The following TIMP2 variants were observed in gnomAD, a reference collection of about 807,000 sequenced individuals.
TIMP2 encodes the protein metalloproteinase inhibitor 2.
Under a neutral mutation model 24.3 loss-of-function variants are expected in TIMP2, and 5 were observed. The observed-to-expected ratio is 0.21, with a 90% CI of 0.11 to 0.43. TIMP2 has a LOEUF of 0.43. Among genes scored for constraint, TIMP2 ranks in the 20% least tolerant of loss-of-function variants. The pLI is 1.00. For synonymous variants in TIMP2, 130 were observed against 123.2 expected, an observed-to-expected ratio of 1.06 and a Z score of -0.37; for missense variants, 221 against 297.5, an observed-to-expected ratio of 0.74 and a Z score of 1.89.
Position 78,922,044 on chromosome 17 carries a change from AGCCCT to A in TIMP2, c.130+2910_130+2914del, listed in dbSNP as rs200720825. Among the ~76,000 whole-genome samples, 487 of 152,326 alleles carry A rather than the reference AGCCCT, an allele frequency of 3.2e-3. 7 individuals carry two copies. In the East Asian group the frequency reaches 0.038, roughly 12 times the overall value. Reference sequence around the variant, plus strand: ...CCCCTTTCTGAGACCCCTGGGTCACAGCCCTGGTTAAATCACCTGTGGGCCTTTTA... The same window carrying A: ...CCCCTTTCTGAGACCCCTGGGTCACAGGTTAAATCACCTGTGGGCCTTTTA... On this transcript the variant is annotated intron_variant, in intron 1 of 4. Transcript: ENST00000262768.
intron 2 of TIMP2, 53 bp from the exon 3 acceptor site, chr17:78,871,059 G>A: frequency 6.7e-7 from 1 of 1,494,938 alleles, no homozygotes; most frequent in South Asian, 1.2e-5. Flanking sequence ...CACAGTTGGT[G>A]AATTCCGTTC....
At chr17:78,864,501 C>T (rs1330915535) in intron 3 of TIMP2, among the ~76,000 whole-genome samples, 1 of 152,020 alleles carries the variant, frequency 6.6e-6, no homozygotes, top group Non-Finnish European at 1.5e-5. Flanking sequence ...CCTCAGCCTC[C>T]CAAAATGCTA....
At chr17:78,863,335 C>T (rs1306506262) in intron 3 of TIMP2, among the ~76,000 whole-genome samples, 4 of 152,116 alleles carry the variant, frequency 2.6e-5, no homozygotes, top group African/African-American at 9.7e-5. Flanking sequence ...TTCCGCCTCC[C>T]GGGTTCAAGT....
At chr17:78,908,540 C>T (rs2070180636) in intron 1 of TIMP2, among the ~76,000 whole-genome samples, 1 of 152,188 alleles carries the variant, frequency 6.6e-6, no homozygotes, top group Admixed American at 6.5e-5. Flanking sequence ...TTCCCAGAGA[C>T]TCGAGCCAGG....
At chr17:78,866,032 G>A (rs1218695271) in intron 3 of TIMP2, among the ~76,000 whole-genome samples, 1 of 152,192 alleles carries the variant, frequency 6.6e-6, no homozygotes, top group Non-Finnish European at 1.5e-5. Context: ...AAAACTGGAA[G>A]TAAGTTCCCT....
intron 1 of TIMP2, among the ~76,000 whole-genome samples, chr17:78,907,403 C>CAG (rs1342433376): frequency 2.6e-5 from 4 of 151,714 alleles, no homozygotes; most frequent in South Asian, 2.1e-4. Context: ...GAGGCCTAGG[C>CAG]AGAGAGAGAG....
chr17:78,866,763 G>A (rs927302185), intron 3 of TIMP2, among the ~76,000 whole-genome samples: 4 of 152,100 alleles, frequency 2.6e-5, no homozygotes, highest in African/African-American at 4.8e-5. Context: ...TTGGAAACAC[G>A]AAAGAAGCCG....
chr17:78,910,925 G>A (rs1314047480), intron 1 of TIMP2, among the ~76,000 whole-genome samples: 1 of 152,188 alleles, frequency 6.6e-6, no homozygotes, highest in Non-Finnish European at 1.5e-5. Flanking sequence ...CCAGGACCAT[G>A]GGGGTGCAGG....
chr17:78,875,443 G>T (rs1383098870), intron 1 of TIMP2, among the ~76,000 whole-genome samples: 3 of 152,170 alleles, frequency 2.0e-5, no homozygotes, highest in Admixed American at 6.5e-5. Flanking sequence ...CTTTCTCCTA[G>T]CAATTAAGCC....
At chr17:78,902,967 C>T (rs530599500) in intron 1 of TIMP2, among the ~76,000 whole-genome samples, 5 of 152,222 alleles carry the variant, frequency 3.3e-5, no homozygotes, top group Non-Finnish European at 7.3e-5. Flanking sequence ...GGGACTTTGC[C>T]GCTGGCCTTG....
Position 78,891,067 on chromosome 17 carries a change from C to T in TIMP2, c.131-17148G>A, listed in dbSNP as rs956253363. 87 of 1,550,922 alleles carry T rather than the reference C, an allele frequency of 5.6e-5. No homozygotes were observed. Among genetic ancestry groups the T allele is most frequent in the Non-Finnish European group, 7.1e-5 (82 of 1,147,098 alleles). On this transcript the variant is annotated intron_variant, in intron 1 of 4. Coordinates refer to ENST00000262768, the MANE Select transcript of TIMP2 (RefSeq NM_003255.5). This position sits in a 1 kb window ranked among gnomAD's most constrained non-coding sequence, Gnocchi z 4.5. ...GGAGCTGAAGGGAGCCCTCTGCCAG[C>T]GTGCCCAGTTTGGGGGTCTCTTGTC...
intron 3 of TIMP2, among the ~76,000 whole-genome samples, chr17:78,870,554 CCA>C (rs2069671695): frequency 6.6e-6 from 1 of 152,088 alleles, no homozygotes; most frequent in Admixed American, 6.6e-5. Context: ...TGCATAGTAT[CCA>C]CAGATGTTAC....
rs1402460125 is a variant in TIMP2 at position 78,925,163 on chromosome 17, G to C, written c.-75C>G. 8 of 579,358 alleles carry C rather than the reference G, an allele frequency of 1.4e-5. No individual in the cohort carries two copies. Among genetic ancestry groups the C allele is most frequent in the Non-Finnish European group, 1.7e-5 (8 of 461,404 alleles). 35.9% of individuals were successfully genotyped at this position (579,358 alleles called of 1,614,324 possible). A position where few individuals can be genotyped will look rare whatever the true frequency, so the allele number is the denominator to read the frequency against. On this transcript the variant is annotated 5_prime_UTR_variant, in exon 1 of 5. Coordinates refer to ENST00000262768, the MANE Select transcript of TIMP2 (RefSeq NM_003255.5). ...CGCTGCTCGCGGCGGCGGGCTGGGG[G>C]CGCGGGCGGGGGCTGAGCCGGGGCC... is the stretch of plus-strand genomic sequence containing the variant.
At chr17:78,883,513 TAAC>T (rs2069796966) in intron 1 of TIMP2, among the ~76,000 whole-genome samples, 1 of 152,036 alleles carries the variant, frequency 6.6e-6, no homozygotes, top group Admixed American at 6.5e-5. Context: ...GCAGAGAAGG[TAAC>T]AGGGTGCACA....
intron 1 of TIMP2, among the ~76,000 whole-genome samples, chr17:78,902,971 G>A (rs1204780683): frequency 2.6e-5 from 4 of 152,224 alleles, no homozygotes; most frequent in Non-Finnish European, 5.9e-5. Context: ...CTTTGCCGCT[G>A]GCCTTGCGAA....
intron 1 of TIMP2, among the ~76,000 whole-genome samples, chr17:78,919,542 A>G (rs937151971): frequency 1.3e-5 from 2 of 152,134 alleles, no homozygotes; most frequent in African/African-American, 4.8e-5. Context: ...CCCCTCTTGA[A>G]AAAGACCATC....
At chr17:78,861,323 C>T (rs1246109034) in intron 3 of TIMP2, among the ~76,000 whole-genome samples, 1 of 152,236 alleles carries the variant, frequency 6.6e-6, no homozygotes, top group African/African-American at 2.4e-5. Flanking sequence ...TTAACTCCCA[C>T]TTTCTATTAG....
In TIMP2 at chr17:78,873,839, A is replaced by G; in HGVS notation, c.211T>C (p.Tyr71His). ...IYGNPIKRIQYEIKQIKMFKG... is the reference protein window; with the variant it reads ...IYGNPIKRIQHEIKQIKMFKG... ...ATTACCTTTATCTGCTTGATCTCATACTGGATCCTCTTGATAGGGTTGCCA... is the reference window on the plus strand; with the variant it reads ...ATTACCTTTATCTGCTTGATCTCATGCTGGATCCTCTTGATAGGGTTGCCA... The change falls in exon 2 of 5, where the codon TAT becomes CAT. Residue 71 changes from tyrosine to histidine, a missense_variant. Transcript: ENST00000262768. 6.2e-7 allele frequency: 1 copy of G among 1,612,724 alleles called. No individual in the cohort carries two copies. Among genetic ancestry groups the G allele is most frequent in the Non-Finnish European group, 8.5e-7 (1 of 1,179,864 alleles).
chr17:78,912,170 C>T (rs1439392253), intron 1 of TIMP2, among the ~76,000 whole-genome samples: 2 of 152,202 alleles, frequency 1.3e-5, no homozygotes, highest in Admixed American at 6.5e-5. Flanking sequence ...GATTCAGAAC[C>T]AGTCCCACTT....
Sources: gnomAD v4.1 joint callset for allele counts (sites outside exome capture counted in the v4.1 genomes callset) on GRCh38, gnomAD v4.1.1 for gene constraint, Gnocchi (gnomAD v3.1) non-coding constraint, MANE v1.5 for transcripts, NCBI Gene and HGNC (gene_info 2026-07-23, HGNC 2026-07-21) for gene names.